BMP6: variants seen among roughly 807,000 people sequenced by gnomAD.
BMP6 encodes bone morphogenetic protein 6.
In BMP6, 17 loss-of-function variants were observed where a neutral mutation model predicts 54.1. That is an observed-to-expected ratio of 0.31 (90% confidence interval 0.22 to 0.47). The LOEUF (loss-of-function observed/expected upper bound fraction) is 0.47. BMP6 is among the 20% of genes least tolerant of loss of function. The pLI is 1.00. For synonymous variants in BMP6, 328 were observed against 291.2 expected (o/e 1.13, Z -1.28); for missense variants, 720 against 690.4 (o/e 1.04, Z -0.48).
intron 1 of BMP6, among the ~76,000 whole-genome samples, chr6:7,798,118 G>A (rs1175768729): frequency 1.3e-5 from 2 of 152,196 alleles, no homozygotes; most frequent in Non-Finnish European, 2.9e-5. Flanking sequence ...GGTGGGGTGT[G>A]AAGTACCAAG....
chr6:7,728,176 C>T (rs1761782434), intron 1 of BMP6, among the ~76,000 whole-genome samples: 1 of 152,046 alleles, frequency 6.6e-6, no homozygotes, highest in Admixed American at 6.5e-5. Context: ...GGGGAGGTTG[C>T]AGAGGGAAGT....
intron 1 of BMP6, among the ~76,000 whole-genome samples, chr6:7,822,867 C>A (rs1008407865): frequency 4.7e-5 from 7 of 149,070 alleles, no homozygotes; most frequent in African/African-American, 1.8e-4. Flanking sequence ...CTCAGCAGGA[C>A]CCCCCATGCT....
chr6:7,798,382 C>T (rs919335115), intron 1 of BMP6, among the ~76,000 whole-genome samples: 1 of 152,184 alleles, frequency 6.6e-6, no homozygotes, highest in Non-Finnish European at 1.5e-5. Context: ...GAACTGAAGC[C>T]AAAAGAGGTC....
chr6:7,796,381 C>T (rs1004540138), intron 1 of BMP6, among the ~76,000 whole-genome samples: 3 of 152,230 alleles, frequency 2.0e-5, no homozygotes, highest in African/African-American at 4.8e-5. Flanking sequence ...TGGCCTTGAT[C>T]CTGTCGCAGG....
Position 7,789,699 on chromosome 6 carries a change from C to T in BMP6, c.665-55441C>T, listed in dbSNP as rs145671314. ...TGACGGCTTCCTTTCTGGAAGTACT[C>T]GGGGCTGGTTAGTAATTATTTCCCA... On this transcript the variant is annotated intron_variant, in intron 1 of 6. Coordinates refer to ENST00000283147, the MANE Select transcript of BMP6 (RefSeq NM_001718.6). 1.6e-4 allele frequency among the ~76,000 whole-genome samples: 24 copies of T among 152,178 alleles called. No homozygotes were observed. The East Asian group carries it at 4.5e-3, about 28-fold the overall frequency.
At position 7,862,413 on chromosome 6, in the gene BMP6, C is replaced by G. The variant is rs1160907500; in HGVS notation, c.1119C>G (p.Thr373=). 1.2e-6 allele frequency: 2 copies of G among 1,614,188 alleles called. No homozygotes were observed. Among genetic ancestry groups the G allele is most frequent in the Non-Finnish European group, 8.5e-7 (1 of 1,180,042 alleles). The change falls in exon 4 of 7, where the codon ACC becomes ACG. Residue 373 remains threonine (T), a synonymous_variant. Coordinates refer to ENST00000283147, the MANE Select transcript of BMP6 (RefSeq NM_001718.6). The part of the protein sequence containing the change: ...FKVSEVHVRT[T]RSASSRRRQQ... ...TGAGTGAGGTGCACGTGCGCACCAC[C>G]AGGTCAGCCTCCAGCCGGCGCCGAC...
At position 7,737,635 on chromosome 6, in the gene BMP6, C is replaced by CT. The variant is rs371027110; in HGVS notation, c.664+10027dup. 5.0e-3 allele frequency among the ~76,000 whole-genome samples: 734 copies of CT among 147,146 alleles called. 3 individuals are homozygous for CT. Among genetic ancestry groups the CT allele is most frequent in the African/African-American group, 0.016 (643 of 40,320 alleles). On this transcript the variant is annotated intron_variant, in intron 1 of 6. Transcript: ENST00000283147. Reference sequence around the variant, plus strand: ...AGAGTCCCTTTCTGTCTTGCTTTCCCTTTTTTTTTTTCTCTTCTTTTCCTC... The same window carrying CT: ...AGAGTCCCTTTCTGTCTTGCTTTCCCTTTTTTTTTTTTCTCTTCTTTTCCTC...
chr6:7,727,841 A>G lies in BMP6; in HGVS notation c.664+222A>G, dbSNP rs1360956571. Among the ~76,000 whole-genome samples, 6 of 151,478 alleles carry G rather than the reference A, an allele frequency of 4.0e-5. No individual in the cohort carries two copies. The East Asian group carries it at 5.9e-4, about 15-fold the overall frequency. ...GGCAGGGCTGCGCGCCGAGGCCCCCAGAGGCGGCTGGCCGGCCGGGCCGCG... is the reference window on the plus strand; with the variant it reads ...GGCAGGGCTGCGCGCCGAGGCCCCCGGAGGCGGCTGGCCGGCCGGGCCGCG... On this transcript the variant is annotated intron_variant, in intron 1 of 6. Transcript: ENST00000283147.
At chr6:7,731,206 T>C (rs1365887548) in intron 1 of BMP6, among the ~76,000 whole-genome samples, 5 of 152,198 alleles carry the variant, frequency 3.3e-5, no homozygotes, top group Non-Finnish European at 7.3e-5. Context: ...CTCGTGAACT[T>C]GCATTCACTC....
chr6:7,787,454 ACAC>A (rs1758036446), intron 1 of BMP6, among the ~76,000 whole-genome samples: 1 of 152,218 alleles, frequency 6.6e-6, no homozygotes, highest in Non-Finnish European at 1.5e-5. Flanking sequence ...CTTGGCTCAG[ACAC>A]TGGATTTTTC....
At chr6:7,857,672 C>T (rs938472250) in intron 2 of BMP6, among the ~76,000 whole-genome samples, 1 of 152,196 alleles carries the variant, frequency 6.6e-6, no homozygotes, top group Admixed American at 6.5e-5. Context: ...GTGGCAAAAT[C>T]AGATGCATCT....
rs933765871 is a variant in BMP6, at chr6:7,726,412, C to T, written c.-544C>T. Reference sequence around the variant, plus strand: ...AGACTGGCATTTCGGGACGCCTTGTCGCCGCAGCCTGGGCCCTGCAACGGG... The same window carrying T: ...AGACTGGCATTTCGGGACGCCTTGTTGCCGCAGCCTGGGCCCTGCAACGGG... On this transcript the variant is annotated 5_prime_UTR_variant, in exon 1 of 7. Coordinates refer to ENST00000283147, the MANE Select transcript of BMP6 (RefSeq NM_001718.6). Among the ~76,000 whole-genome samples, 3 of 152,218 alleles carry T rather than the reference C, an allele frequency of 2.0e-5. No homozygotes were observed. The highest frequency in any genetic ancestry group is 4.4e-5 in the Non-Finnish European group (3 of 68,038).
intron 1 of BMP6, among the ~76,000 whole-genome samples, chr6:7,838,037 T>C (rs1758901243): frequency 6.6e-6 from 1 of 152,158 alleles, no homozygotes. Flanking sequence ...CCCCAGCTTA[T>C]TCCAAGAGAA....
intron 1 of BMP6, among the ~76,000 whole-genome samples, chr6:7,794,604 G>GAA (rs58889692): frequency 0.29 from 34,340 of 118,812 alleles, 5,061 homozygotes; most frequent in East Asian, 0.53. Context: ...TGTCCCAAAA[G>GAA]AAAAAAAAAA....
chr6:7,778,153 A>T (rs1488835599), intron 1 of BMP6, among the ~76,000 whole-genome samples: 1 of 152,094 alleles, frequency 6.6e-6, no homozygotes, highest in East Asian at 1.9e-4. Context: ...TTGTAGGGAG[A>T]GGTGTGTCAT....
chr6:7,740,778 G>C (rs1389061854), intron 1 of BMP6, among the ~76,000 whole-genome samples: 1 of 152,166 alleles, frequency 6.6e-6, no homozygotes, highest in African/African-American at 2.4e-5. Flanking sequence ...CAGGCTTAGT[G>C]ATCCTGCTTT....
At chr6:7,730,723 C>T (rs1018261333) in intron 1 of BMP6, among the ~76,000 whole-genome samples, 3 of 152,150 alleles carry the variant, frequency 2.0e-5, no homozygotes, top group African/African-American at 4.8e-5. Context: ...GTTGGATTCT[C>T]TATATAGGGA....
chr6:7,766,711 T>C (rs1219965320), intron 1 of BMP6, among the ~76,000 whole-genome samples: 1 of 152,174 alleles, frequency 6.6e-6, no homozygotes, highest in Non-Finnish European at 1.5e-5. Context: ...AGACTTGTTT[T>C]AAAGAATAGC....
At chr6:7,772,402 A>AT (rs1278956977) in intron 1 of BMP6, among the ~76,000 whole-genome samples, 1 of 152,202 alleles carries the variant, frequency 6.6e-6, no homozygotes, top group East Asian at 1.9e-4. Flanking sequence ...TCAGTAATGA[A>AT]TTTATTTATT....
Sources: gnomAD v4.1 joint callset for allele counts (sites outside exome capture counted in the v4.1 genomes callset) on GRCh38, gnomAD v4.1.1 for gene constraint, MANE v1.5 for transcripts, NCBI Gene and HGNC (gene_info 2026-07-23, HGNC 2026-07-21) for gene names.